The following STEEP1 variants were observed in gnomAD, a reference collection of about 807,000 sequenced individuals.
STEEP1 encodes the protein STING1 ER exit protein 1, also known as STING ER exit protein.
STEEP1 carries 3 observed loss-of-function variants against 19.2 expected under a neutral mutation model. That is an observed-to-expected ratio of 0.16 (90% CI 0.07 to 0.40). The LOEUF is 0.40. STEEP1 is among the 10% of genes least tolerant of loss of function. The pLI is 0.99. For missense variants in STEEP1, 54 were observed against 177.1 expected (o/e 0.30, Z 3.94); for synonymous variants, 46 against 63.7 (o/e 0.72, Z 1.32).
At chrX:119,557,054 G>A (rs2053283635) in intron 2 of STEEP1, among the ~76,000 whole-genome samples, 1 of 106,718 alleles carries the variant, frequency 9.4e-6, no homozygotes, top group South Asian at 4.2e-4. Context: ...TACATGGGAG[G>A]CTGAGGCAGG....
At chrX:119,552,448 T>C (rs929931988) in intron 2 of STEEP1, among the ~76,000 whole-genome samples, 2 of 112,433 alleles carry the variant, frequency 1.8e-5, no homozygotes, top group African/African-American at 6.5e-5. Flanking sequence ...AAATAGTTAA[T>C]GTTTACCAGT....
chrX:119,565,074 G>A (rs2053347715), intron 1 of STEEP1, 158 bp downstream of exon 1: 3 of 863,655 alleles, frequency 3.5e-6, no homozygotes, highest in African/African-American at 4.0e-5. Context: ...AAATGCCCTG[G>A]AGTGGGGCGG....
intron 2 of STEEP1, among the ~76,000 whole-genome samples, chrX:119,546,129 A>C (rs1028390147): frequency 6.3e-5 from 7 of 110,464 alleles, no homozygotes; most frequent in Non-Finnish European, 1.3e-4. Flanking sequence ...ATGTGCCAAG[A>C]GCTATTCTAA....
chrX:119,544,450 G>A lies in STEEP1; in HGVS notation c.326C>T (p.Ala109Val), dbSNP rs2053186934. The A allele has an allele frequency of 2.5e-6, 3 of 1,210,058 alleles. No homozygotes were observed. The highest frequency in any genetic ancestry group is 3.4e-6 in the Non-Finnish European group (3 of 894,028). ...PLFYQSQPKN[A>V]PVTFIVDGAV... The stretch of plus-strand genomic sequence containing the variant: ...TCCATCCACAATGAAGGTAACAGGA[G>A]CATTCTTTGGCTGGGATTGGTAGAA... Residue 109 changes from alanine (A) to valine (V), a missense_variant, in exon 4 of 7, where the codon GCT becomes GTT. By Grantham distance (64) the Ala-to-Val change is moderately conservative. Around this residue, in one of 2 missense-constraint regions of STEEP1, gnomAD observed 47 missense variants for 118.5 expected, o/e 0.40. Coordinates refer to ENST00000644802, the MANE Select transcript of STEEP1 (RefSeq NM_022101.4).
intron 2 of STEEP1, among the ~76,000 whole-genome samples, chrX:119,557,578 A>G (rs1410997580): frequency 1.8e-5 from 2 of 111,455 alleles, no homozygotes; most frequent in African/African-American, 6.5e-5. Flanking sequence ...GATGTTGCAG[A>G]CATAATTAGT....
At chrX:119,563,226 T>C (rs1569402880) in intron 1 of STEEP1, among the ~76,000 whole-genome samples, 1 of 111,640 alleles carries the variant, frequency 9.0e-6, no homozygotes, top group Admixed American at 9.5e-5. Context: ...AGGTGAAAGA[T>C]GGTAGTAGCT....
chrX:119,554,603 C>T (rs1157652093), intron 2 of STEEP1, among the ~76,000 whole-genome samples: 1 of 111,901 alleles, frequency 8.9e-6, no homozygotes, highest in Non-Finnish European at 1.9e-5. Flanking sequence ...ACTGTGTGTG[C>T]CTTCTGAGTC....
chrX:119,542,164 T>C (rs2053168417), intron 5 of STEEP1, among the ~76,000 whole-genome samples: 1 of 106,500 alleles, frequency 9.4e-6, no homozygotes, highest in Non-Finnish European at 1.9e-5. Flanking sequence ...CCTCCCGGGT[T>C]CAAGCGATTC....
intron 1 of STEEP1, among the ~76,000 whole-genome samples, chrX:119,562,346 A>G (rs769435222): frequency 1.8e-5 from 2 of 111,494 alleles, no homozygotes; most frequent in East Asian, 2.8e-4. Flanking sequence ...GGCCTGACCA[A>G]CATGGAGAAA....
At chrX:119,559,089 G>A (rs2053303583) in intron 2 of STEEP1, among the ~76,000 whole-genome samples, 1 of 110,075 alleles carries the variant, frequency 9.1e-6, no homozygotes, top group African/African-American at 3.3e-5. Flanking sequence ...GTGGTGGCAG[G>A]TGCCTGAAAT....
intron 1 of STEEP1, among the ~76,000 whole-genome samples, chrX:119,564,372 T>A (rs1475243022): frequency 9.2e-6 from 1 of 108,916 alleles, no homozygotes; most frequent in African/African-American, 3.3e-5. Context: ...GGCGGGCGCC[T>A]GTAATCCCAG....
At chrX:119,541,266 T>A in intron 6 of STEEP1, 62 bp downstream of exon 6, 1 of 663,111 alleles carries the variant, frequency 1.5e-6, no homozygotes, top group South Asian at 2.2e-5. Flanking sequence ...TGCTGAAAGG[T>A]CTTTCAGACC....
chrX:119,553,882 G>GT (rs1465676049), intron 2 of STEEP1, among the ~76,000 whole-genome samples: 5 of 112,278 alleles, frequency 4.5e-5, no homozygotes, highest in African/African-American at 1.6e-4. Flanking sequence ...TTATAAAAAT[G>GT]TATCTATTTC....
Position 119,538,334 on chromosome X carries a change from T to G in STEEP1, c.*1393A>C, listed in dbSNP as rs1438093953. 1 of 111,173 alleles carries G rather than the reference T, an allele frequency of 9.0e-6. No homozygotes were observed. Among genetic ancestry groups the G allele is most frequent in the African/African-American group, 3.3e-5 (1 of 30,627 alleles). 9.2% of individuals were successfully genotyped at this position (111,173 alleles called of 1,213,427 possible). A position where few individuals can be genotyped will look rare whatever the true frequency, so the allele number is the denominator to read the frequency against. On this transcript the variant is annotated 3_prime_UTR_variant, in exon 7 of 7. Coordinates refer to ENST00000644802, the MANE Select transcript of STEEP1 (RefSeq NM_022101.4). ...TTTTGTTTATCTTGCTATCATTTCT[T>G]AATCTATAACGTCTCCCTCCCATGT...
chrX:119,543,309 T>C (rs982437363), intron 4 of STEEP1, among the ~76,000 whole-genome samples: 3 of 110,462 alleles, frequency 2.7e-5, no homozygotes, highest in Non-Finnish European at 5.7e-5. Context: ...TGCCTCAGCC[T>C]CCTGAGTAGC....
chrX:119,559,222 A>T (rs1284586229), intron 2 of STEEP1, among the ~76,000 whole-genome samples: 1 of 109,916 alleles, frequency 9.1e-6, no homozygotes, highest in Non-Finnish European at 1.9e-5. Context: ...CCGTCAAAAA[A>T]AAAAAAACGG....
intron 2 of STEEP1, among the ~76,000 whole-genome samples, chrX:119,552,497 T>C (rs2053250019): frequency 8.9e-6 from 1 of 112,423 alleles, no homozygotes; most frequent in South Asian, 3.6e-4. Flanking sequence ...AGAGAAGAGA[T>C]GCACAGGGTG....
intron 2 of STEEP1, among the ~76,000 whole-genome samples, chrX:119,559,376 C>T (rs1246114853): frequency 1.8e-5 from 2 of 111,382 alleles, no homozygotes; most frequent in African/African-American, 3.3e-5. Context: ...TTCTAAAGCA[C>T]ACCATGTTTG....
chrX:119,559,090 T>G (rs986230982), intron 2 of STEEP1, among the ~76,000 whole-genome samples: 1 of 109,814 alleles, frequency 9.1e-6, no homozygotes, highest in East Asian at 2.9e-4. Flanking sequence ...TGGTGGCAGG[T>G]GCCTGAAATC....
Sources: allele counts gnomAD v4.1 joint callset (sites outside exome capture counted in the v4.1 genomes callset), GRCh38; gene constraint gnomAD v4.1.1; regional missense constraint gnomAD v4.1.1; transcripts MANE v1.5; gene names NCBI Gene and HGNC (gene_info 2026-07-23, HGNC 2026-07-21).